CPNE4: variants seen among roughly 807,000 people sequenced by gnomAD.
CPNE4 encodes the protein copine 4.
A neutral mutation model predicts 67.9 loss-of-function variants in CPNE4; 25 were observed. That is an observed-to-expected ratio of 0.37 (90% CI 0.27 to 0.51). CPNE4 has a LOEUF of 0.51. Among genes scored for constraint, CPNE4 ranks in the 20% least tolerant of loss-of-function variants. CPNE4 has a pLI of 0.93. For synonymous variants in CPNE4, 242 were observed against 244.9 expected, an observed-to-expected ratio of 0.99 and a Z score of 0.11; for missense variants, 464 against 690.8, an observed-to-expected ratio of 0.67 and a Z score of 3.68.
At chr3:131,898,678 GT>G (rs1277085410) in intron 2 of CPNE4, among the ~76,000 whole-genome samples, 1 of 151,998 alleles carries the variant, frequency 6.6e-6, no homozygotes, top group Non-Finnish European at 1.5e-5. Flanking sequence ...TCACTTAAAA[GT>G]TGAACATCAT....
At chr3:132,030,205 G>A (rs2074207738) in intron 1 of CPNE4, among the ~76,000 whole-genome samples, 1 of 152,322 alleles carries the variant, frequency 6.6e-6, no homozygotes, top group South Asian at 2.1e-4. Context: ...ATTATCTCCA[G>A]GGAACTTGAG....
At chr3:131,706,384 CT>C (rs1253032519) in intron 3 of CPNE4, among the ~76,000 whole-genome samples, 1 of 152,206 alleles carries the variant, frequency 6.6e-6, no homozygotes, top group Non-Finnish European at 1.5e-5. Flanking sequence ...TGTAAAGTGC[CT>C]TATGTATATT....
intron 1 of CPNE4, among the ~76,000 whole-genome samples, chr3:131,911,536 C>T (rs1229661153): frequency 2.1e-5 from 3 of 140,042 alleles, no homozygotes; most frequent in African/African-American, 8.2e-5. Context: ...TCAAGAGGCA[C>T]TCCAAGTTGT....
At chr3:132,005,338 TATATACACACAC>T (rs1211540995) in intron 1 of CPNE4, among the ~76,000 whole-genome samples, 633 of 29,656 alleles carry the variant, frequency 0.021, 5 homozygotes, top group Non-Finnish European at 0.036. Flanking sequence ...TATATATATA[TATATACACACAC>T]ACACACACAC....
intron 2 of CPNE4, among the ~76,000 whole-genome samples, chr3:131,889,999 A>G (rs773419344): frequency 2.0e-5 from 3 of 152,122 alleles, no homozygotes; most frequent in Non-Finnish European, 4.4e-5. Context: ...ACAAGAAAAT[A>G]TAGAAAAAAA....
At chr3:131,853,897 G>A (rs1365753271) in intron 2 of CPNE4, among the ~76,000 whole-genome samples, 6 of 151,816 alleles carry the variant, frequency 4.0e-5, no homozygotes, top group Non-Finnish European at 7.4e-5. Context: ...TCAAATGCTG[G>A]CATGCATGTA....
intron 9 of CPNE4, among the ~76,000 whole-genome samples, chr3:131,581,053 G>A (rs982978050): frequency 6.6e-6 from 1 of 151,360 alleles, no homozygotes; most frequent in Non-Finnish European, 1.5e-5. Flanking sequence ...GGCACCTGTA[G>A]TCCCAGCTAG....
chr3:131,943,016 C>T (rs769423554), intron 1 of CPNE4, among the ~76,000 whole-genome samples: 1 of 152,144 alleles, frequency 6.6e-6, no homozygotes, highest in Non-Finnish European at 1.5e-5. Flanking sequence ...CTCACAATTC[C>T]TTATCTGAAA....
chr3:131,974,907 C>A (rs2072605807), intron 1 of CPNE4, among the ~76,000 whole-genome samples: 1 of 152,058 alleles, frequency 6.6e-6, no homozygotes, highest in African/African-American at 2.4e-5. Context: ...GCTCGGGAGG[C>A]TGAGGGGGGA....
At chr3:131,948,930 T>C (rs528290893) in intron 1 of CPNE4, among the ~76,000 whole-genome samples, 42 of 152,296 alleles carry the variant, frequency 2.8e-4, no homozygotes, top group Non-Finnish European at 4.7e-4. Context: ...CCAGTATCAT[T>C]ATGTGAAGAA....
intron 2 of CPNE4, among the ~76,000 whole-genome samples, chr3:131,903,860 AC>A (rs1173426241): frequency 2.0e-5 from 3 of 152,116 alleles, no homozygotes; most frequent in Non-Finnish European, 1.5e-5. Flanking sequence ...CCCAGGTACC[AC>A]CATTAGTCAG....
intron 2 of CPNE4, among the ~76,000 whole-genome samples, chr3:131,760,906 C>T (rs1346587653): frequency 6.6e-6 from 1 of 152,078 alleles, no homozygotes; most frequent in Non-Finnish European, 1.5e-5. Context: ...GGGATATGAG[C>T]TCGGTCAAAG....
chr3:131,689,067 G>A lies in CPNE4; in HGVS notation c.508-3109C>T, dbSNP rs549562051. Among the ~76,000 whole-genome samples, 162 of 152,278 alleles carry A rather than the reference G, an allele frequency of 1.1e-3. 1 individual carries two copies. The highest frequency in any genetic ancestry group is 3.8e-3 in the African/African-American group (159 of 41,570). On this transcript the variant is annotated intron_variant, in intron 5 of 15. Transcript: ENST00000429747. ...TGTCAATGAAAGAAAGGTCAAGAAT[G>A]GCCTCTGTCTTCAGGTAGCTGAAAA...
At chr3:131,614,295 T>A (rs1940014905) in intron 7 of CPNE4, among the ~76,000 whole-genome samples, 1 of 152,216 alleles carries the variant, frequency 6.6e-6, no homozygotes, top group African/African-American at 2.4e-5. Flanking sequence ...AAAATCATGG[T>A]CACTGCCCTC....
At chr3:131,832,770 G>A (rs960653047) in intron 2 of CPNE4, among the ~76,000 whole-genome samples, 1 of 152,126 alleles carries the variant, frequency 6.6e-6, no homozygotes, top group Non-Finnish European at 1.5e-5. Flanking sequence ...ATTTAAATGA[G>A]ACTTTAGATT....
intron 1 of CPNE4, among the ~76,000 whole-genome samples, chr3:131,972,949 T>G (rs764630615): frequency 1.3e-5 from 2 of 152,148 alleles, no homozygotes; most frequent in Non-Finnish European, 2.9e-5. Flanking sequence ...AAGTCCCAGC[T>G]TTCTCATATA....
chr3:131,804,861 T>C (rs1356537020), intron 2 of CPNE4, among the ~76,000 whole-genome samples: 1 of 152,182 alleles, frequency 6.6e-6, no homozygotes, highest in Non-Finnish European at 1.5e-5. Flanking sequence ...TTATCTGCAG[T>C]TGGGCACAGA....
At chr3:132,001,608 AAAG>A (rs1405582611) in intron 1 of CPNE4, among the ~76,000 whole-genome samples, 1 of 149,586 alleles carries the variant, frequency 6.7e-6, no homozygotes, top group Non-Finnish European at 1.5e-5. Flanking sequence ...AGAAAGAAAG[AAAG>A]AAAGAAAATG....
intron 1 of CPNE4, among the ~76,000 whole-genome samples, chr3:131,924,094 G>A (rs924999953): frequency 2.0e-5 from 3 of 152,150 alleles, no homozygotes; most frequent in South Asian, 2.1e-4. Context: ...CAGACATTAC[G>A]TGTCCCCTGG....
Sources: allele counts gnomAD v4.1 joint callset (sites outside exome capture counted in the v4.1 genomes callset), GRCh38; gene constraint gnomAD v4.1.1; transcripts MANE v1.5; gene names NCBI Gene and HGNC (gene_info 2026-07-23, HGNC 2026-07-21).